Variants in WDR49 observed in about 807,000 individuals in gnomAD.
WDR49 encodes WD repeat domain 49.
Under a neutral mutation model 119.5 loss-of-function variants are expected in WDR49, and 107 were observed. The ratio of observed to expected loss-of-function variants is 0.90; its 90% CI spans 0.77 to 1.05. WDR49 has a LOEUF of 1.05. WDR49 is among the 50% of genes least tolerant of loss of function. The pLI is 0.00. For synonymous variants in WDR49, 425 were observed against 418.8 expected, an observed-to-expected ratio of 1.01 and a Z score of -0.18; for missense variants, 1,240 against 1,220.5, an observed-to-expected ratio of 1.02 and a Z score of -0.24.
At chr3:167,519,578 G>A (rs992583109) in intron 16 of WDR49, among the ~76,000 whole-genome samples, 1 of 151,176 alleles carries the variant, frequency 6.6e-6, no homozygotes, top group African/African-American at 2.4e-5. Flanking sequence ...AGTGGGAGCT[G>A]AACAATGAGA....
At chr3:167,556,787 G>A (rs1162732973) in intron 9 of WDR49, among the ~76,000 whole-genome samples, 3 of 152,296 alleles carry the variant, frequency 2.0e-5, no homozygotes, top group East Asian at 3.9e-4. Flanking sequence ...AACACTTTGG[G>A]AGGCTGAGGC....
At chr3:167,536,398 G>T (rs1753027598) in intron 11 of WDR49, among the ~76,000 whole-genome samples, 1 of 151,770 alleles carries the variant, frequency 6.6e-6, no homozygotes, top group African/African-American at 2.4e-5. Context: ...GAAATATATG[G>T]CCGGGCACAG....
rs377467238 is a variant in WDR49, at chr3:167,498,554, CTG to C, written c.3031+1597_3031+1598del. Among the ~76,000 whole-genome samples, 244 of 152,174 alleles carry C rather than the reference CTG, an allele frequency of 1.6e-3. 2 individuals carry two copies. The highest frequency in any genetic ancestry group is 5.5e-3 in the African/African-American group (230 of 41,516). On this transcript the variant is annotated intron_variant, in intron 18 of 18. Coordinates refer to ENST00000682715, the MANE Select transcript of WDR49 (RefSeq NM_001366157.1). ...GAAAATAGCCTGGGACAAAGTTTCT[CTG>C]TGCTCTGGGGGAGGTGATGACAAGT...
At chr3:167,642,595 A>C (rs1577297126) in intron 2 of WDR49, among the ~76,000 whole-genome samples, 2 of 152,000 alleles carry the variant, frequency 1.3e-5, no homozygotes, top group East Asian at 3.9e-4. Flanking sequence ...ATAGGTATAG[A>C]TATATCCTAG....
intron 2 of WDR49, among the ~76,000 whole-genome samples, chr3:167,630,068 A>G (rs1199769696): frequency 6.6e-6 from 1 of 152,176 alleles, no homozygotes; most frequent in Non-Finnish European, 1.5e-5. Context: ...TTTGAAAGAA[A>G]TTCTATTGTG....
At chr3:167,514,871 TAAG>T (rs1752138613) in intron 16 of WDR49, among the ~76,000 whole-genome samples, 1 of 151,900 alleles carries the variant, frequency 6.6e-6, no homozygotes, top group Non-Finnish European at 1.5e-5. Context: ...GCAAATAAAC[TAAG>T]AAATCTAGAA....
intron 10 of WDR49, among the ~76,000 whole-genome samples, chr3:167,548,304 G>T (rs1712331887): frequency 6.6e-6 from 1 of 151,892 alleles, no homozygotes; most frequent in Admixed American, 6.6e-5. Flanking sequence ...AGATTCCTCG[G>T]CACTTGTACA....
chr3:167,486,886 T>C (rs1750942199), intron 18 of WDR49, among the ~76,000 whole-genome samples: 1 of 152,086 alleles, frequency 6.6e-6, no homozygotes, highest in Admixed American at 6.6e-5. Context: ...TGGACCTAAT[T>C]GACAACTATA....
intron 14 of WDR49, among the ~76,000 whole-genome samples, chr3:167,528,383 A>G (rs1752713023): frequency 6.6e-6 from 1 of 151,988 alleles, no homozygotes; most frequent in Admixed American, 6.6e-5. Flanking sequence ...AAAAAGAAAA[A>G]ATCCCAAACT....
chr3:167,617,776 C>T (rs1465324078), intron 5 of WDR49, among the ~76,000 whole-genome samples: 1 of 152,134 alleles, frequency 6.6e-6, no homozygotes, highest in Non-Finnish European at 1.5e-5. Flanking sequence ...GACCTCAAAT[C>T]CTGAAGATGG....
At chr3:167,542,022 T>G (rs1711872972) in intron 10 of WDR49, among the ~76,000 whole-genome samples, 1 of 150,468 alleles carries the variant, frequency 6.6e-6, no homozygotes, top group Non-Finnish European at 1.5e-5. Context: ...TGACCCCATG[T>G]CAAAAAAAAA....
At chr3:167,592,648 C>T (rs561399780) in intron 7 of WDR49, among the ~76,000 whole-genome samples, 17 of 151,952 alleles carry the variant, frequency 1.1e-4, no homozygotes, top group East Asian at 3.9e-4. Flanking sequence ...TTGGGCAGGA[C>T]GGTCTCCATC....
At chr3:167,573,217 C>G (rs1340921063) in intron 8 of WDR49, among the ~76,000 whole-genome samples, 1 of 152,080 alleles carries the variant, frequency 6.6e-6, no homozygotes. Flanking sequence ...TTCCTACACC[C>G]CCACAGACAC....
intron 16 of WDR49, among the ~76,000 whole-genome samples, chr3:167,506,501 A>G (rs1388741921): frequency 6.6e-6 from 1 of 152,220 alleles, no homozygotes; most frequent in Non-Finnish European, 1.5e-5. Flanking sequence ...TCTTAAACTT[A>G]ATATCAAATG....
chr3:167,482,230 A>G (rs1370402005), intron 18 of WDR49, among the ~76,000 whole-genome samples: 1 of 152,210 alleles, frequency 6.6e-6, no homozygotes, highest in Admixed American at 6.5e-5. Context: ...AGCAATGCCT[A>G]CAAGATAATC....
intron 7 of WDR49, among the ~76,000 whole-genome samples, chr3:167,589,869 A>G (rs953941388): frequency 6.6e-6 from 1 of 152,062 alleles, no homozygotes; most frequent in Non-Finnish European, 1.5e-5. Flanking sequence ...AATAAGGATA[A>G]TGTGCTTTCT....
chr3:167,610,445 C>T (rs1716287242), intron 5 of WDR49, among the ~76,000 whole-genome samples: 1 of 152,208 alleles, frequency 6.6e-6, no homozygotes, highest in African/African-American at 2.4e-5. Flanking sequence ...CAGGGTGAGG[C>T]TTCTCTGCCT....
At chr3:167,624,246 T>G (rs1005179543) in intron 3 of WDR49, among the ~76,000 whole-genome samples, 3 of 151,930 alleles carry the variant, frequency 2.0e-5, no homozygotes, top group Middle Eastern at 3.4e-3. Context: ...ACCAAATGTT[T>G]GTGAGGCTAT....
intron 8 of WDR49, among the ~76,000 whole-genome samples, chr3:167,573,399 C>T (rs960795385): frequency 7.1e-6 from 1 of 141,308 alleles, no homozygotes; most frequent in South Asian, 2.1e-4. Flanking sequence ...AATACACACA[C>T]ACACACACAC....
Sources: allele counts gnomAD v4.1 joint callset (sites outside exome capture counted in the v4.1 genomes callset), GRCh38; gene constraint gnomAD v4.1.1; transcripts MANE v1.5; gene names NCBI Gene and HGNC (gene_info 2026-07-23, HGNC 2026-07-21).